The following RARB variants were observed in gnomAD, a reference collection of about 807,000 sequenced individuals.
RARB encodes the protein HBV-activated protein.
In RARB, 17 loss-of-function variants were observed where a neutral mutation model predicts 51.9. The ratio of observed to expected loss-of-function variants is 0.33; its 90% CI spans 0.22 to 0.49. The LOEUF (loss-of-function observed/expected upper bound fraction) is 0.49. RARB is among the 20% of genes least tolerant of loss of function. RARB has a pLI of 0.99. For missense variants in RARB, 369 were observed against 550.8 expected, an observed-to-expected ratio of 0.67 and a Z score of 3.30; for synonymous variants, 215 against 195.4, an observed-to-expected ratio of 1.10 and a Z score of -0.84.
At position 25,154,202 on chromosome 3, in the gene RARB, G is replaced by T. The variant is rs146210318; in HGVS notation, c.-279-19917G>T. Reference sequence around the variant, plus strand: ...TGTTTTCACATCAACCGGTGCTAATGGATATATCTGCTAGTATATATCCAC... The same window carrying T: ...TGTTTTCACATCAACCGGTGCTAATTGATATATCTGCTAGTATATATCCAC... On this transcript the variant is annotated intron_variant, in intron 4 of 11. Coordinates refer to the RARB transcript ENST00000383772. Among the ~76,000 whole-genome samples the T allele has an allele frequency of 2.1e-3, 314 of 152,182 alleles. 1 individual carries two copies. Among genetic ancestry groups the T allele is most frequent in the African/African-American group, 7.3e-3 (304 of 41,516 alleles).
chr3:25,267,444 G>C (rs547417847), intron 5 of RARB, among the ~76,000 whole-genome samples: 2 of 152,266 alleles, frequency 1.3e-5, no homozygotes, highest in South Asian at 4.1e-4. Flanking sequence ...TCCTTATCCA[G>C]ATGTCCTGAA....
intron 5 of RARB, among the ~76,000 whole-genome samples, chr3:25,252,747 G>A (rs180816239): frequency 6.6e-6 from 1 of 151,998 alleles, no homozygotes; most frequent in Non-Finnish European, 1.5e-5. Flanking sequence ...AAATTTTTTT[G>A]TGGAAGGACT....
intron 5 of RARB, among the ~76,000 whole-genome samples, chr3:25,354,490 G>A (rs763841066): frequency 6.6e-6 from 1 of 152,110 alleles, no homozygotes; most frequent in African/African-American, 2.4e-5. Context: ...TTTATGTTAC[G>A]TTATTTTGGA....
At chr3:24,924,978 C>T (rs563991864) in intron 2 of RARB, among the ~76,000 whole-genome samples, 24 of 152,240 alleles carry the variant, frequency 1.6e-4, no homozygotes, top group African/African-American at 4.3e-4. Context: ...AAGCTTATAT[C>T]ACCTGTTCCT....
chr3:25,050,080 A>T (rs1334913435), intron 2 of RARB, among the ~76,000 whole-genome samples: 1 of 152,160 alleles, frequency 6.6e-6, no homozygotes, highest in African/African-American at 2.4e-5. Flanking sequence ...GTGGGTGAGG[A>T]AGGGTATTTT....
intron 2 of RARB, among the ~76,000 whole-genome samples, chr3:25,035,189 T>A (rs13083089): frequency 0.092 from 13,979 of 152,176 alleles, 843 homozygotes; most frequent in South Asian, 0.28. Context: ...TGACACCATC[T>A]TGGCTCACTA....
chr3:25,363,988 ATCT>A (rs1426626036), intron 5 of RARB, among the ~76,000 whole-genome samples: 1 of 152,056 alleles, frequency 6.6e-6, no homozygotes, highest in African/African-American at 2.4e-5. Flanking sequence ...TTGCTCAAAC[ATCT>A]TCTTAGTAGG....
At position 25,227,677 on chromosome 3, in the gene RARB, G is replaced by A. The variant is rs143316468; in HGVS notation, c.178+53102G>A. 1.5e-3 allele frequency among the ~76,000 whole-genome samples: 234 copies of A among 152,102 alleles called. 1 individual carries two copies. The highest frequency in any genetic ancestry group is 8.7e-3 in the South Asian group (42 of 4,818). On this transcript the variant is annotated intron_variant, in intron 5 of 11. Transcript: ENST00000383772. ...TACATTGGCATTATGAATGTTTATG[G>A]CATTTATACTCTTTTATTATCATAA...
At chr3:25,408,285 T>C (rs553792771) in intron 5 of RARB, among the ~76,000 whole-genome samples, 4 of 152,138 alleles carry the variant, frequency 2.6e-5, no homozygotes, top group African/African-American at 9.7e-5. Context: ...AAAAGAGGTT[T>C]AGTTGACTCA....
chr3:25,348,930 C>G (rs1228408296), intron 5 of RARB, among the ~76,000 whole-genome samples: 2 of 152,210 alleles, frequency 1.3e-5, no homozygotes, highest in East Asian at 1.9e-4. Flanking sequence ...ACCACACTTT[C>G]AGAAACACTG....
rs9857554 is a variant in RARB, at chr3:25,255,525, A to G, written c.178+80950A>G. Among the ~76,000 whole-genome samples the G allele has an allele frequency of 2.2e-3, 330 of 152,302 alleles. 2 individuals carry two copies. Among genetic ancestry groups the G allele is most frequent in the African/African-American group, 7.6e-3 (317 of 41,568 alleles). The stretch of plus-strand genomic sequence containing the variant: ...AAGCATTTCACCCTTGGCAACTAGA[A>G]TCTTTAATCATTATGCACACTGTAA... On this transcript the variant is annotated intron_variant, in intron 5 of 11. Transcript: ENST00000383772.
At chr3:24,912,918 TTAAGA>T (rs1387969705) in intron 2 of RARB, among the ~76,000 whole-genome samples, 4 of 150,382 alleles carry the variant, frequency 2.7e-5, no homozygotes, top group Non-Finnish European at 4.4e-5. Flanking sequence ...ATGTTGTCTC[TTAAGA>T]AAATGTGACC....
chr3:25,367,293 G>A (rs780996745), intron 5 of RARB, among the ~76,000 whole-genome samples: 10 of 152,118 alleles, frequency 6.6e-5, no homozygotes, highest in Non-Finnish European at 1.3e-4. Context: ...CAGCATAATG[G>A]CATCAGTCAC....
At chr3:24,862,688 A>G (rs1264499667) in intron 2 of RARB, among the ~76,000 whole-genome samples, 2 of 152,186 alleles carry the variant, frequency 1.3e-5, no homozygotes, top group African/African-American at 4.8e-5. Flanking sequence ...TACAGTTTCA[A>G]GTATCCACTG....
intron 5 of RARB, among the ~76,000 whole-genome samples, chr3:25,257,407 A>T (rs1702892537): frequency 6.6e-6 from 1 of 152,092 alleles, no homozygotes; most frequent in Non-Finnish European, 1.5e-5. Context: ...GGAGATACTC[A>T]TAGAGATGTA....
chr3:25,203,380 T>G (rs1161528569), intron 5 of RARB, among the ~76,000 whole-genome samples: 1 of 152,248 alleles, frequency 6.6e-6, no homozygotes, highest in Non-Finnish European at 1.5e-5. Context: ...CTTGACTCTT[T>G]ATCCAATTTG....
At chr3:25,010,578 T>A (rs1269627588) in intron 2 of RARB, among the ~76,000 whole-genome samples, 1 of 152,110 alleles carries the variant, frequency 6.6e-6, no homozygotes, top group South Asian at 2.1e-4. Flanking sequence ...TCAACTAACA[T>A]TGGAGGATCT....
chr3:25,275,007 T>C (rs1282225417), intron 5 of RARB, among the ~76,000 whole-genome samples: 1 of 152,188 alleles, frequency 6.6e-6, no homozygotes, highest in African/African-American at 2.4e-5. Context: ...CTGATCAGCA[T>C]TTGCTTGGAA....
chr3:25,279,485 C>A (rs1339990785), intron 5 of RARB, among the ~76,000 whole-genome samples: 2 of 151,778 alleles, frequency 1.3e-5, no homozygotes, highest in Non-Finnish European at 2.9e-5. Context: ...AAGAAAGGGA[C>A]TCTTGATTGA....
Sources: gnomAD v4.1 joint callset for allele counts (sites outside exome capture counted in the v4.1 genomes callset) on GRCh38, gnomAD v4.1.1 for gene constraint, MANE v1.5 for transcripts, NCBI Gene and HGNC (gene_info 2026-07-23, HGNC 2026-07-21) for gene names.